Variants in DGKI observed in about 807,000 individuals in gnomAD.
DGKI encodes the protein DAG kinase iota.
In DGKI, 55 loss-of-function variants were observed where a neutral mutation model predicts 147.5. The observed-to-expected ratio is 0.37, with a 90% CI of 0.30 to 0.47. DGKI has a LOEUF of 0.47. DGKI is among the 20% of genes least tolerant of loss of function. The probability of loss-of-function intolerance (pLI) is 1.00; values close to 1 mark genes in which losing one functional copy is unlikely to be tolerated. For missense variants in DGKI, 1,007 were observed against 1,323.8 expected (o/e 0.76, Z 3.71); for synonymous variants, 469 against 477.1 (o/e 0.98, Z 0.22).
intron 3 of DGKI, among the ~76,000 whole-genome samples, chr7:137,678,193 C>G (rs10268869): frequency 0.053 from 8,088 of 152,136 alleles, 672 homozygotes; most frequent in African/African-American, 0.18. Flanking sequence ...ACAGACAGAG[C>G]CCCTTCCTCC....
At chr7:137,725,866 T>C (rs1490419736) in intron 1 of DGKI, among the ~76,000 whole-genome samples, 1 of 152,228 alleles carries the variant, frequency 6.6e-6, no homozygotes, top group Non-Finnish European at 1.5e-5. Flanking sequence ...TGACTGATTT[T>C]TATTAGACCC....
At chr7:137,425,130 C>T (rs1284564219) in intron 28 of DGKI, among the ~76,000 whole-genome samples, 2 of 152,218 alleles carry the variant, frequency 1.3e-5, no homozygotes, top group African/African-American at 2.4e-5. Flanking sequence ...CCTGAGCAGC[C>T]TAGCTGGGAG....
At chr7:137,587,284 G>C in intron 12 of DGKI, 74 bp from the exon 13 acceptor site, 1 of 1,185,368 alleles carries the variant, frequency 8.4e-7, no homozygotes, top group Non-Finnish European at 1.2e-6. Context: ...TTGAGAAACA[G>C]AGGCTTCCAA....
Position 137,581,942 on chromosome 7 carries a change from CAAAG to C in DGKI, c.1564-18_1564-15del, listed in dbSNP as rs2128981390. The C allele has an allele frequency of 1.2e-6, 2 of 1,611,154 alleles. No homozygotes were observed. The highest frequency in any genetic ancestry group is 2.7e-5 in the African/African-American group (2 of 74,948). On this transcript the variant is annotated splice_polypyrimidine_tract_variant and intron_variant, in intron 14 of 32. Transcript: ENST00000614521. ...ATTCAGAGGGAGCTGCAATGATAAACAAAGACAGAGGCAAAATTTTGTGTGGCCA... is the reference window on the plus strand; with the variant it reads ...ATTCAGAGGGAGCTGCAATGATAAACACAGAGGCAAAATTTTGTGTGGCCA...
At chr7:137,494,054 T>C (rs1194300664) in intron 21 of DGKI, among the ~76,000 whole-genome samples, 3 of 152,124 alleles carry the variant, frequency 2.0e-5, no homozygotes, top group Non-Finnish European at 4.4e-5. Context: ...AACAGCAGAA[T>C]TGACCAGCTG....
chr7:137,764,561 G>A (rs1298143517), intron 1 of DGKI, among the ~76,000 whole-genome samples: 2 of 152,116 alleles, frequency 1.3e-5, no homozygotes, highest in South Asian at 4.1e-4. Context: ...CTGCTTAGAT[G>A]CCTCCAAAGG....
chr7:137,495,629 T>A (rs1815939107), intron 21 of DGKI, among the ~76,000 whole-genome samples: 1 of 151,824 alleles, frequency 6.6e-6, no homozygotes, highest in Non-Finnish European at 1.5e-5. Flanking sequence ...GTAGGCTTTA[T>A]CCCTGCGATG....
At chr7:137,485,986 G>A (rs562543802) in intron 22 of DGKI, among the ~76,000 whole-genome samples, 1 of 152,186 alleles carries the variant, frequency 6.6e-6, no homozygotes, top group East Asian at 1.9e-4. Flanking sequence ...TTTACTGGCA[G>A]ATTGTGAAAG....
chr7:137,430,359 A>T (rs1813013590), intron 28 of DGKI, among the ~76,000 whole-genome samples: 1 of 144,256 alleles, frequency 6.9e-6, no homozygotes, highest in Non-Finnish European at 1.5e-5. Context: ...AACAATGAGA[A>T]CACATGGACA....
intron 6 of DGKI, among the ~76,000 whole-genome samples, chr7:137,638,587 CATATAT>C (rs1283451581): frequency 1.3e-4 from 3 of 23,402 alleles, no homozygotes; most frequent in African/African-American, 3.0e-4. Flanking sequence ...TATATATACA[CATATAT>C]ACATATATGT....
chr7:137,400,148 T>A (rs959210330), intron 30 of DGKI, among the ~76,000 whole-genome samples: 8 of 152,122 alleles, frequency 5.3e-5, no homozygotes, highest in Admixed American at 1.3e-4. Flanking sequence ...AAATTCTATG[T>A]CCTGAGAAAC....
intron 30 of DGKI, among the ~76,000 whole-genome samples, chr7:137,405,954 G>A (rs1205594705): frequency 2.0e-5 from 3 of 152,162 alleles, no homozygotes; most frequent in African/African-American, 7.2e-5. Flanking sequence ...AGGACTAGGG[G>A]AGGAAATACT....
At chr7:137,702,295 G>A (rs1244782420) in intron 1 of DGKI, among the ~76,000 whole-genome samples, 1 of 152,080 alleles carries the variant, frequency 6.6e-6, no homozygotes, top group Non-Finnish European at 1.5e-5. Context: ...AGAAATTCAT[G>A]AATTCAACTA....
intron 6 of DGKI, among the ~76,000 whole-genome samples, chr7:137,625,723 CCT>C: frequency 6.8e-6 from 1 of 146,992 alleles, no homozygotes; most frequent in Non-Finnish European, 1.5e-5. Context: ...CACAGTAAGA[CCT>C]TATCTCTATA....
Position 137,466,941 on chromosome 7 carries a change from T to C in DGKI, c.2445A>G (p.Ala815=). 2 of 1,614,150 alleles carry C rather than the reference T, an allele frequency of 1.2e-6. No homozygotes were observed. The highest frequency in any genetic ancestry group is 8.5e-7 in the Non-Finnish European group (1 of 1,180,020). ...TTCGATAAAAGCGATCAGCAGAAGT[T>C]GCTAGGGGAAAAAAAATGCAGATGG... The part of the protein sequence containing the change: ...RLSPRWCFLD[A]TSADRFYRID... The change falls in exon 25 of 33, where the codon GCA becomes GCG. Residue 815 remains alanine, a splice_region_variant and synonymous_variant. Coordinates refer to ENST00000614521, the MANE Select transcript of DGKI (RefSeq NM_001321708.2).
intron 31 of DGKI, among the ~76,000 whole-genome samples, chr7:137,396,463 C>T (rs564719818): frequency 8.5e-5 from 13 of 152,296 alleles, no homozygotes; most frequent in African/African-American, 2.6e-4. Context: ...AGATGCTTAA[C>T]GCCAAAGTGT....
rs531442510 is a variant in DGKI, at chr7:137,620,671, C to T, written c.877-731G>A. Among the ~76,000 whole-genome samples, 12 of 152,272 alleles carry T rather than the reference C, an allele frequency of 7.9e-5. No homozygotes were observed. The East Asian group carries it at 1.5e-3, about 20-fold the overall frequency. On this transcript the variant is annotated intron_variant, in intron 7 of 32. Transcript: ENST00000614521. Reference sequence around the variant, plus strand: ...TTGAAAGGAAGTAAATGTAGGCTAACGATCATAACAATACCACAGTATTAG... The same window carrying T: ...TTGAAAGGAAGTAAATGTAGGCTAATGATCATAACAATACCACAGTATTAG...
chr7:137,472,422 CATATT>C (rs1209319629), intron 23 of DGKI, among the ~76,000 whole-genome samples: 2 of 9,440 alleles, frequency 2.1e-4, no homozygotes, highest in Non-Finnish European at 6.1e-4. Context: ...TATACATATA[CATATT>C]ATATGTACAT....
chr7:137,397,445 A>G (rs760318698), intron 30 of DGKI, 32 bp from the exon 31 acceptor site: 2 of 1,605,036 alleles, frequency 1.2e-6, no homozygotes, highest in Non-Finnish European at 1.7e-6. Context: ...TGACCGTCAA[A>G]AATAAGCTCA....
Sources: gnomAD v4.1 joint callset for allele counts (sites outside exome capture counted in the v4.1 genomes callset) on GRCh38, gnomAD v4.1.1 for gene constraint, MANE v1.5 for transcripts, NCBI Gene and HGNC (gene_info 2026-07-23, HGNC 2026-07-21) for gene names.